LNPEP: variants seen among roughly 807,000 people sequenced by gnomAD.
The protein encoded by LNPEP is leucyl and cystinyl aminopeptidase.
A neutral mutation model predicts 120.6 loss-of-function variants in LNPEP; 64 were observed. The ratio of observed to expected loss-of-function variants is 0.53; its 90% CI spans 0.43 to 0.65. LNPEP has a LOEUF of 0.65. LNPEP is among the 30% of genes least tolerant of loss of function. The pLI is 0.00. For missense variants in LNPEP, 1,057 were observed against 1,200.0 expected, an observed-to-expected ratio of 0.88 and a Z score of 1.76; for synonymous variants, 435 against 425.4, an observed-to-expected ratio of 1.02 and a Z score of -0.28.
chr5:97,001,332 T>C (rs1790644796), intron 8 of LNPEP, among the ~76,000 whole-genome samples: 1 of 152,164 alleles, frequency 6.6e-6, no homozygotes, highest in African/African-American at 2.4e-5. Flanking sequence ...AGGGTAACTT[T>C]AAGATTTTTA....
At chr5:96,957,220 C>T (rs766894541) in intron 1 of LNPEP, among the ~76,000 whole-genome samples, 10 of 152,032 alleles carry the variant, frequency 6.6e-5, no homozygotes, top group Non-Finnish European at 1.3e-4. Context: ...TGTGTAGACT[C>T]TTTTATCCTC....
chr5:96,940,921 G>A (rs1169206455), intron 1 of LNPEP, among the ~76,000 whole-genome samples: 1 of 152,178 alleles, frequency 6.6e-6, no homozygotes, highest in Admixed American at 6.5e-5. Context: ...TTTCTAGTTT[G>A]TGATATATTC....
At chr5:96,989,338 A>T (rs570885389) in intron 4 of LNPEP, among the ~76,000 whole-genome samples, 1,799 of 24,472 alleles carry the variant, frequency 0.074, 40 homozygotes, top group African/African-American at 0.22. Context: ...AATTATATAT[A>T]ATATATAATA....
In LNPEP at chr5:97,026,606, T is replaced by C. The variant is rs930110775; in HGVS notation, c.2724-11T>C. 2 of 1,608,100 alleles carry C rather than the reference T, an allele frequency of 1.2e-6. No homozygotes were observed. Among genetic ancestry groups the C allele is most frequent in the Admixed American group, 3.4e-5 (2 of 59,342 alleles). On this transcript the variant is annotated splice_polypyrimidine_tract_variant and intron_variant, in intron 15 of 17. Transcript: ENST00000231368. ...AATAATTTTGGAGGCTAAATCTGCTTTGCTCTTCAGGTTAATGAAAAGTAG... is the reference window on the plus strand; with the variant it reads ...AATAATTTTGGAGGCTAAATCTGCTCTGCTCTTCAGGTTAATGAAAAGTAG...
At chr5:96,991,825 T>C (rs1221615231) in intron 4 of LNPEP, among the ~76,000 whole-genome samples, 1 of 131,106 alleles carries the variant, frequency 7.6e-6, no homozygotes, top group Non-Finnish European at 1.6e-5. Context: ...CTTTGAGAAA[T>C]TGTTGACAGT....
chr5:96,995,696 AT>A (rs908522666), intron 6 of LNPEP, among the ~76,000 whole-genome samples: 1 of 151,992 alleles, frequency 6.6e-6, no homozygotes. Flanking sequence ...GCCTGGCTTA[AT>A]TTTTTTGTAG....
intron 10 of LNPEP, 26 bp downstream of exon 10, chr5:97,006,259 C>T: frequency 1.3e-6 from 2 of 1,571,386 alleles, no homozygotes; most frequent in Non-Finnish European, 1.7e-6. Context: ...CTTTTCATGC[C>T]ATCTCTTTTG....
At chr5:96,939,462 C>T (rs2432141) in intron 1 of LNPEP, among the ~76,000 whole-genome samples, 60,965 of 151,640 alleles carry the variant, frequency 0.4, 12,279 homozygotes, top group Non-Finnish European at 0.43. Flanking sequence ...TCACCTTAGC[C>T]TCCCAAAGTA....
At chr5:96,989,747 T>G (rs1213772229) in intron 4 of LNPEP, among the ~76,000 whole-genome samples, 3 of 152,138 alleles carry the variant, frequency 2.0e-5, no homozygotes, top group Non-Finnish European at 4.4e-5. Context: ...TAGAAAAGCT[T>G]TATAATAATT....
At chr5:96,989,366 AATT>A (rs1177926773) in intron 4 of LNPEP, among the ~76,000 whole-genome samples, 8 of 26,014 alleles carry the variant, frequency 3.1e-4, no homozygotes, top group African/African-American at 4.8e-4. Flanking sequence ...TATTATATAT[AATT>A]ATATATTATA....
At chr5:97,013,899 T>G (rs1790998264) in intron 12 of LNPEP, 68 bp downstream of exon 12, 1 of 1,174,094 alleles carries the variant, frequency 8.5e-7, no homozygotes, top group African/African-American at 1.6e-5. Flanking sequence ...AGAACATATA[T>G]GAAAAACAGT....
intron 1 of LNPEP, 110 bp downstream of exon 1, chr5:96,936,284 C>G: frequency 1.1e-6 from 1 of 895,270 alleles, no homozygotes; most frequent in Non-Finnish European, 1.5e-6. Flanking sequence ...ACACCGCGGG[C>G]TTCCCACGAG....
rs767335794 is a variant in LNPEP, at chr5:96,979,882, A to G, written c.764A>G (p.His255Arg). The change falls in exon 2 of 18, where the codon CAC becomes CGC. Residue 255 changes from histidine to arginine, a missense_variant. Transcript: ENST00000231368. Reference protein sequence around the residue: ...IVAPEALLAGHNYTLKIEYSA... With the variant: ...IVAPEALLAGRNYTLKIEYSA... ...GCCCCCGAAGCCCTTCTAGCAGGGCACAATTATACGTTGAAGATAGAGTAC... is the reference window on the plus strand; with the variant it reads ...GCCCCCGAAGCCCTTCTAGCAGGGCGCAATTATACGTTGAAGATAGAGTAC... 5 of 1,613,890 alleles carry G rather than the reference A, an allele frequency of 3.1e-6. No individual in the cohort carries two copies. The highest frequency in any genetic ancestry group is 4.5e-5 in the East Asian group (2 of 44,896).
At chr5:96,991,585 C>T (rs38039) in intron 4 of LNPEP, among the ~76,000 whole-genome samples, 97,722 of 152,066 alleles carry the variant, frequency 0.64, 31,662 homozygotes, top group Middle Eastern at 0.74. Flanking sequence ...TTTCCAAATG[C>T]TTGTTGTCTA....
In LNPEP at chr5:96,993,826, C is replaced by G; in HGVS notation, c.1262C>G (p.Ala421Gly). ...QYPLKKLDLV[A>G]IPDFEAGAME... is the part of the protein sequence containing the mutation. Reference sequence around the variant, plus strand: ...TTCCTGTTATGTCCAGATTTGGTGGCTATTCCTGACTTTGAAGCAGGAGCA... The same window carrying G: ...TTCCTGTTATGTCCAGATTTGGTGGGTATTCCTGACTTTGAAGCAGGAGCA... The change falls in exon 6 of 18, where the codon GCT becomes GGT. Residue 421 changes from alanine to glycine, a missense_variant. Physicochemically the swap from Ala to Gly is moderately conservative, Grantham distance 60. Coordinates refer to ENST00000231368, the MANE Select transcript of LNPEP (RefSeq NM_005575.3). The G allele has an allele frequency of 6.2e-7, 1 of 1,613,560 alleles. No homozygotes were observed. The highest frequency in any genetic ancestry group is 8.5e-7 in the Non-Finnish European group (1 of 1,179,632).
intron 1 of LNPEP, among the ~76,000 whole-genome samples, chr5:96,955,025 G>A (rs1306263036): frequency 2.7e-5 from 4 of 149,006 alleles, no homozygotes; most frequent in South Asian, 2.1e-4. Flanking sequence ...CTCGTGATCC[G>A]CCTGCCTCGG....
At chr5:96,974,671 G>A (rs761552914) in intron 1 of LNPEP, among the ~76,000 whole-genome samples, 1 of 151,896 alleles carries the variant, frequency 6.6e-6, no homozygotes, top group Non-Finnish European at 1.5e-5. Context: ...GTTTTCTTTT[G>A]TTAACTTTCC....
chr5:96,942,548 G>A (rs1177004481), intron 1 of LNPEP, among the ~76,000 whole-genome samples: 2 of 151,828 alleles, frequency 1.3e-5, no homozygotes, highest in African/African-American at 4.8e-5. Context: ...CAGCTACTCG[G>A]GAGGCTGAGG....
intron 15 of LNPEP, 99 bp from the exon 16 acceptor site, chr5:97,026,518 A>G (rs962904556): frequency 1.1e-5 from 10 of 896,472 alleles, no homozygotes; most frequent in African/African-American, 1.7e-5. Flanking sequence ...AATTTGCTAC[A>G]CAGCTTTAAT....
Sources: allele counts gnomAD v4.1 joint callset (sites outside exome capture counted in the v4.1 genomes callset), GRCh38; gene constraint gnomAD v4.1.1; transcripts MANE v1.5; gene names NCBI Gene and HGNC (gene_info 2026-07-23, HGNC 2026-07-21).